CSMD1: variants seen among roughly 807,000 people sequenced by gnomAD.
CSMD1 encodes CUB and Sushi multiple domains 1, also known as CUB and sushi domain-containing protein 1.
In CSMD1, 213 loss-of-function variants were observed where a neutral mutation model predicts 417.5. The ratio of observed to expected loss-of-function variants is 0.51; its 90% CI spans 0.46 to 0.57. The LOEUF (loss-of-function observed/expected upper bound fraction) is 0.57, where lower values mean the gene tolerates loss of function less well. CSMD1 is among the 20% of genes least tolerant of loss of function. The probability of loss-of-function intolerance (pLI) is 0.00; values close to 1 mark genes in which losing one functional copy is unlikely to be tolerated. For missense variants in CSMD1, 6,923 were observed against 4,529.7 expected (o/e 1.53, Z -15.17); for synonymous variants, 2,862 against 1,736.8 (o/e 1.65, Z -16.11).
chr8:4,559,813 T>C (rs979093024), intron 2 of CSMD1, among the ~76,000 whole-genome samples: 1 of 152,258 alleles, frequency 6.6e-6, no homozygotes, highest in Non-Finnish European at 1.5e-5. Context: ...TCATCTCATG[T>C]TCACTTCGTG....
At chr8:4,090,309 T>C (rs890916080) in intron 3 of CSMD1, among the ~76,000 whole-genome samples, 5 of 152,202 alleles carry the variant, frequency 3.3e-5, no homozygotes, top group African/African-American at 7.2e-5. Flanking sequence ...CTAGGTAATA[T>C]CGTTTATAAA....
rs1375304232 is a variant in CSMD1 at position 3,795,700 on chromosome 8, TATATCTATCAAGTACAGCTATAG to T, written c.819-41681_819-41659del. 1.2e-4 allele frequency among the ~76,000 whole-genome samples: 5 copies of T among 43,154 alleles called. 2 individuals carry two copies. Among genetic ancestry groups the T allele is most frequent in the Non-Finnish European group, 2.2e-4 (5 of 22,306 alleles). 28.3% of individuals were successfully genotyped at this position (43,154 alleles called of 152,430 possible). On this transcript the variant is annotated intron_variant, in intron 5 of 69. Transcript: ENST00000635120. ...TATCTATCATGTATAGATATAGATA[TATATCTATCAAGTACAGCTATAG>T]ATATCTATCATGTACAGCTATAGAT... is the stretch of plus-strand genomic sequence containing the variant.
chr8:3,461,225 T>C (rs889478874), intron 12 of CSMD1, among the ~76,000 whole-genome samples: 1 of 152,166 alleles, frequency 6.6e-6, no homozygotes, highest in Non-Finnish European at 1.5e-5. Flanking sequence ...AAGAAGAAGA[T>C]GCAAGGGCTA....
chr8:4,778,462 A>G (rs1442886473), intron 1 of CSMD1, among the ~76,000 whole-genome samples: 3 of 152,248 alleles, frequency 2.0e-5, no homozygotes, highest in African/African-American at 4.8e-5. Context: ...ATTGTAATGT[A>G]TTTTCTGCAT....
intron 8 of CSMD1, among the ~76,000 whole-genome samples, chr8:3,597,276 T>C (rs1801139636): frequency 1.3e-5 from 2 of 152,040 alleles, no homozygotes; most frequent in African/African-American, 2.4e-5. Context: ...AGACAGAGCA[T>C]CTCCCTGGGC....
At chr8:4,989,006 A>C (rs1173828636) in intron 1 of CSMD1, among the ~76,000 whole-genome samples, 2 of 152,226 alleles carry the variant, frequency 1.3e-5, no homozygotes, top group Non-Finnish European at 2.9e-5. Flanking sequence ...TGGTTAATCA[A>C]AGGTCACTTA....
At chr8:4,584,424 G>C (rs1054844252) in intron 2 of CSMD1, among the ~76,000 whole-genome samples, 1 of 152,008 alleles carries the variant, frequency 6.6e-6, no homozygotes, top group Non-Finnish European at 1.5e-5. Context: ...GCTAAATACC[G>C]GGCACCTGTC....
intron 2 of CSMD1, among the ~76,000 whole-genome samples, chr8:4,603,316 C>G (rs570562542): frequency 6.6e-6 from 1 of 151,940 alleles, no homozygotes; most frequent in Non-Finnish European, 1.5e-5. Context: ...GTATTCAACT[C>G]TATTTTATTA....
At chr8:4,293,573 C>G (rs1797496553) in intron 3 of CSMD1, among the ~76,000 whole-genome samples, 1 of 152,100 alleles carries the variant, frequency 6.6e-6, no homozygotes, top group Non-Finnish European at 1.5e-5. Context: ...CCAAATTAGG[C>G]ACAATAAAAG....
intron 1 of CSMD1, among the ~76,000 whole-genome samples, chr8:4,910,290 T>C (rs1193414639): frequency 6.6e-6 from 1 of 152,250 alleles, no homozygotes; most frequent in Non-Finnish European, 1.5e-5. Flanking sequence ...AACGCATATA[T>C]CTTGATTTAT....
chr8:4,283,888 A>G (rs1187051654), intron 3 of CSMD1, among the ~76,000 whole-genome samples: 1 of 152,198 alleles, frequency 6.6e-6, no homozygotes, highest in African/African-American at 2.4e-5. Context: ...TCCATGTCTT[A>G]TACATACATT....
intron 5 of CSMD1, among the ~76,000 whole-genome samples, chr8:3,852,893 C>A (rs981307949): frequency 3.3e-5 from 5 of 152,134 alleles, no homozygotes; most frequent in African/African-American, 1.2e-4. Flanking sequence ...GTTCCTATTT[C>A]TCTCATTTTA....
Position 4,782,121 on chromosome 8 carries a change from G to A in CSMD1, c.86-144563C>T, listed in dbSNP as rs139078790. ...TTTTAAAAAGACATTACAGTAGGGA[G>A]GAGGAAGGGGAGAGAGGTTGCTCAA... On this transcript the variant is annotated intron_variant, in intron 1 of 69. Coordinates refer to ENST00000635120, the MANE Select transcript of CSMD1 (RefSeq NM_033225.6). Among the ~76,000 whole-genome samples the A allele has an allele frequency of 8.9e-4, 135 of 152,284 alleles. 1 individual carries two copies. Among genetic ancestry groups the A allele is most frequent in the African/African-American group, 3.2e-3 (131 of 41,556 alleles).
intron 5 of CSMD1, among the ~76,000 whole-genome samples, chr8:3,882,234 ATTGAT>A (rs1806254578): frequency 6.6e-6 from 1 of 152,206 alleles, no homozygotes; most frequent in Non-Finnish European, 1.5e-5. Context: ...AAAAAAAGTA[ATTGAT>A]TTGAACTGAC....
chr8:4,435,417 C>A (rs575331185), intron 2 of CSMD1, among the ~76,000 whole-genome samples: 2 of 152,184 alleles, frequency 1.3e-5, no homozygotes, highest in Admixed American at 6.6e-5. Context: ...AGTCACCATG[C>A]AGGCCCAGAG....
intron 2 of CSMD1, among the ~76,000 whole-genome samples, chr8:4,554,575 G>C (rs1365777514): frequency 6.6e-6 from 1 of 152,164 alleles, no homozygotes; most frequent in Middle Eastern, 3.2e-3. Context: ...GAGCGAAGCT[G>C]TATATGACAT....
intron 3 of CSMD1, among the ~76,000 whole-genome samples, chr8:4,035,975 C>T (rs150450350): frequency 6.6e-5 from 10 of 152,216 alleles, no homozygotes; most frequent in Admixed American, 5.9e-4. Flanking sequence ...GAGAGTGTAA[C>T]ACTTTTTTTT....
At chr8:4,655,611 T>C (rs116184221) in intron 1 of CSMD1, among the ~76,000 whole-genome samples, 2,308 of 152,230 alleles carry the variant, frequency 0.015, 54 homozygotes, top group East Asian at 0.1. Flanking sequence ...AGTAACTTTA[T>C]GGTACTTGCT....
intron 7 of CSMD1, among the ~76,000 whole-genome samples, chr8:3,631,032 A>C (rs1003374567): frequency 2.6e-5 from 4 of 152,150 alleles, no homozygotes; most frequent in African/African-American, 7.2e-5. Context: ...AAACGCAATC[A>C]TGCTTCTTTG....
Sources: gnomAD v4.1 joint callset for allele counts (sites outside exome capture counted in the v4.1 genomes callset) on GRCh38, gnomAD v4.1.1 for gene constraint, MANE v1.5 for transcripts, NCBI Gene and HGNC (gene_info 2026-07-23, HGNC 2026-07-21) for gene names.